The following FKBP8 variants were observed in gnomAD, a reference collection of about 807,000 sequenced individuals.
The protein encoded by FKBP8 is FKBP prolyl isomerase 8.
FKBP8 carries 5 observed loss-of-function variants against 41.7 expected under a neutral mutation model. The observed-to-expected ratio is 0.12, with a 90% CI of 0.06 to 0.25. The LOEUF (loss-of-function observed/expected upper bound fraction) is 0.25. Among genes scored for constraint, FKBP8 ranks in the 10% least tolerant of loss-of-function variants. FKBP8 has a pLI of 1.00. For missense variants in FKBP8, 397 were observed against 563.0 expected, an observed-to-expected ratio of 0.71 and a Z score of 2.98; for synonymous variants, 279 against 254.5, an observed-to-expected ratio of 1.10 and a Z score of -0.92.
chr19:18,532,731 G>A lies in FKBP8; in HGVS notation c.1088C>T (p.Ala363Val). 6.2e-7 allele frequency: 1 copy of A among 1,614,144 alleles called. No homozygotes were observed. Among genetic ancestry groups the A allele is most frequent in the Non-Finnish European group, 8.5e-7 (1 of 1,180,040 alleles). Residue 363 changes from alanine to valine, a missense_variant, in exon 8 of 9, where the codon GCC (alanine) becomes GTC (valine). Physicochemically the swap from Ala to Val is moderately conservative, Grantham distance 64 (BLOSUM62 0). Transcript: ENST00000608443. ...KHAAQRSTET[A>V]LYRKMLGNPS... Reference sequence around the variant, plus strand: ...GTTGCCCAGCATTTTCCGGTACAAGGCGGTCTCCGTGCTCCGCTGCGCCGC... The same window carrying A: ...GTTGCCCAGCATTTTCCGGTACAAGACGGTCTCCGTGCTCCGCTGCGCCGC...
rs200681860 is a variant in FKBP8, at chr19:18,532,184, G to A, written c.1227C>T (p.Ile409=). ...ALGGVALSVV[I]AARN ...ACCTAGGTGGTCAGTTCCTGGCAGC[G>A]ATGACCACAGAGAGTGCCACACCCC... The change falls in exon 9 of 9, where the codon ATC becomes ATT. Residue 409 remains isoleucine (I), a synonymous_variant. Coordinates refer to ENST00000608443, the MANE Select transcript of FKBP8 (RefSeq NM_012181.5). 2.4e-5 allele frequency: 38 copies of A among 1,606,324 alleles called. No homozygotes were observed. Among genetic ancestry groups the A allele is most frequent in the African/African-American group, 1.7e-4 (13 of 74,910 alleles).
At chr19:18,533,536 T>A (rs889703162) in intron 6 of FKBP8, among the ~76,000 whole-genome samples, 189 bp from the exon 7 acceptor site, 3 of 152,046 alleles carry the variant, frequency 2.0e-5, no homozygotes, top group African/African-American at 7.2e-5. Flanking sequence ...AAACCCCGTC[T>A]CTACCAAAAA....
intron 1 of FKBP8, chr19:18,543,132 C>T: frequency 3.6e-6 from 1 of 277,054 alleles, no homozygotes; most frequent in South Asian, 2.7e-5. Flanking sequence ...CCCACAGCCC[C>T]GGCCGGGCCC....
intron 2 of FKBP8, among the ~76,000 whole-genome samples, chr19:18,539,989 TTTTG>T (rs1229695013): frequency 2.6e-5 from 4 of 152,058 alleles, no homozygotes; most frequent in South Asian, 2.1e-4. Flanking sequence ...GGTCTGGTTT[TTTTG>T]TTTTTTTGTT....
At chr19:18,541,381 T>C (rs61758313) in intron 2 of FKBP8, among the ~76,000 whole-genome samples, 9,032 of 152,190 alleles carry the variant, frequency 0.059, 871 homozygotes, top group African/African-American at 0.2. Context: ...AAAAGATGCA[T>C]TGATGGGGTT....
chr19:18,533,553 A>C (rs1976497309), intron 6 of FKBP8, among the ~76,000 whole-genome samples: 1 of 152,122 alleles, frequency 6.6e-6, no homozygotes, highest in Admixed American at 6.5e-5. Context: ...AAAAATACAA[A>C]AATTAGCCAG....
intron 2 of FKBP8, among the ~76,000 whole-genome samples, chr19:18,541,309 A>G (rs1350433217): frequency 6.6e-6 from 1 of 152,216 alleles, no homozygotes; most frequent in Non-Finnish European, 1.5e-5. Context: ...TGTGTTGCCC[A>G]GGCTGGCGTG....
intron 7 of FKBP8, 33 bp downstream of exon 7, chr19:18,533,237 G>T (rs542930454): frequency 1.3e-6 from 2 of 1,528,798 alleles, no homozygotes; most frequent in Middle Eastern, 1.7e-4. Flanking sequence ...CTTCCCAGCC[G>T]AGCAAGTCCC....
At chr19:18,539,104 A>G (rs1427168416) in intron 4 of FKBP8, among the ~76,000 whole-genome samples, 2 of 151,850 alleles carry the variant, frequency 1.3e-5, no homozygotes, top group African/African-American at 4.8e-5. Flanking sequence ...GTAAGCCACC[A>G]CGCCCGGCCC....
Position 18,533,339 on chromosome 19 carries a change from G to C in FKBP8, c.954C>G (p.Ala318=). Residue 318 remains alanine (A), a synonymous_variant, in exon 7 of 9, where the codon GCC becomes GCG. Transcript: ENST00000608443. ...KALFRKGKVL[A]QQGEYSEAIP... ...TGGCCTCACTGTACTCCCCCTGCTG[G>C]GCCAGCACCTGTAAGGGGAAGGGGG... 6.2e-7 allele frequency: 1 copy of C among 1,603,902 alleles called. No individual in the cohort carries two copies. The highest frequency in any genetic ancestry group is 8.5e-7 in the Non-Finnish European group (1 of 1,175,076).
chr19:18,542,032 A>G (rs1976714745), intron 1 of FKBP8, 37 bp from the exon 2 acceptor site: 1 of 1,576,722 alleles, frequency 6.3e-7, no homozygotes, highest in Non-Finnish European at 8.6e-7. Context: ...TCAGAATCCT[A>G]CACAGCCCCT....
In FKBP8 at chr19:18,537,786, A is replaced by AGTG; in HGVS notation, c.773-16_773-14dup. ...AACGTCATGTCCACTATTGGGAGAC[A>AGTG]GTGCCCGCCACGGCAGCCGTCACCA... On this transcript the variant is annotated splice_polypyrimidine_tract_variant and intron_variant, in intron 5 of 8. Coordinates refer to ENST00000608443, the MANE Select transcript of FKBP8 (RefSeq NM_012181.5). The surrounding 1 kb of genome is among the most constrained non-coding windows in gnomAD (Gnocchi z 4.4). The AGTG allele has an allele frequency of 6.3e-7, 1 of 1,594,114 alleles. No individual in the cohort carries two copies. The highest frequency in any genetic ancestry group is 1.7e-5 in the Admixed American group (1 of 59,148).
At chr19:18,541,434 C>T (rs1976696799) in intron 2 of FKBP8, among the ~76,000 whole-genome samples, 2 of 152,328 alleles carry the variant, frequency 1.3e-5, no homozygotes, top group Admixed American at 1.3e-4. Context: ...TGGCTCTGGG[C>T]AGGTGACTCA....
Position 18,532,008 on chromosome 19 carries a change from A to G in FKBP8, c.*161T>C, listed in dbSNP as rs1057434276. On this transcript the variant is annotated 3_prime_UTR_variant, in exon 9 of 9. Transcript: ENST00000608443. The stretch of plus-strand genomic sequence containing the variant: ...CTGGGCTTTCCTCCTAGAGGGCCTC[A>G]GTCCCTCCTGCTGGCTGGGCTGCAC... 10 of 649,258 alleles carry G rather than the reference A, an allele frequency of 1.5e-5. No individual in the cohort carries two copies. In the Admixed American group the frequency reaches 2.1e-4, roughly 14 times the overall value. 40.2% of individuals were successfully genotyped at this position (649,258 alleles called of 1,614,324 possible).
rs575344810 is a variant in FKBP8 at position 18,538,155 on chromosome 19, T to G, written c.772+61A>C. The G allele has an allele frequency of 1.8e-4, 276 of 1,508,766 alleles. 1 individual carries two copies. The East Asian group carries it at 5.4e-3, about 29-fold the overall frequency. 93.5% of individuals were successfully genotyped at this position (1,508,766 alleles called of 1,614,324 possible). A position where few individuals can be genotyped will look rare whatever the true frequency, so the allele number is the denominator to read the frequency against. On this transcript the variant is annotated intron_variant, in intron 5 of 8. Coordinates refer to ENST00000608443, the MANE Select transcript of FKBP8 (RefSeq NM_012181.5). This position sits in a 1 kb window ranked among gnomAD's most constrained non-coding sequence, Gnocchi z 4.0. ...TCTGAGGCTCTCTGGGGCTGGAAGT[T>G]TCTGGCACGGAGTGGACACCTTTGC... is the stretch of plus-strand genomic sequence containing the variant.
rs1347521257 is a variant in FKBP8, at chr19:18,532,634, A to G, written c.1155+30T>C. On this transcript the variant is annotated intron_variant, in intron 8 of 8. Transcript: ENST00000608443. ...CCTCTGCTAGGCGTGCCCTGCACAC[A>G]GCCCCTGCCCATTCTGTGCCCCAGC... 6 of 1,610,880 alleles carry G rather than the reference A, an allele frequency of 3.7e-6. No homozygotes were observed. In the African/African-American group the frequency reaches 6.7e-5, roughly 18 times the overall value.
Position 18,538,690 on chromosome 19 carries a change from C to A in FKBP8, c.552-254G>T, listed in dbSNP as rs564498425. Among the ~76,000 whole-genome samples, 1 of 152,064 alleles carries A rather than the reference C, an allele frequency of 6.6e-6. No individual in the cohort carries two copies. The highest frequency in any genetic ancestry group is 1.5e-5 in the Non-Finnish European group (1 of 68,040). ...AGAGACAGGTTCTCACTCTGTTGCC[C>A]GGGCTGGAGTGCAGTGGTGCAATCT... is the stretch of plus-strand genomic sequence containing the variant. On this transcript the variant is annotated intron_variant, in intron 4 of 8. Transcript: ENST00000608443. The surrounding 1 kb of genome is among the most constrained non-coding windows in gnomAD (Gnocchi z 4.0).
At chr19:18,532,906 G>A (rs568884939) in intron 7 of FKBP8, 111 bp from the exon 8 acceptor site, 1 of 1,507,164 alleles carries the variant, frequency 6.6e-7, no homozygotes, top group Admixed American at 2.0e-5. Context: ...TGGGACACAG[G>A]GGTCCCATCT....
In FKBP8 at chr19:18,531,932, G is replaced by T. The variant is rs1316267497; in HGVS notation, c.*237C>A. ...CCTGGCGGAGACCTAGCCCAGCGGG[G>T]TAAGGAGGGTGGGGGAAAACTGGGT... On this transcript the variant is annotated 3_prime_UTR_variant, in exon 9 of 9. Coordinates refer to ENST00000608443, the MANE Select transcript of FKBP8 (RefSeq NM_012181.5). The T allele has an allele frequency of 1.8e-6, 1 of 550,220 alleles. No individual in the cohort carries two copies. Among genetic ancestry groups the T allele is most frequent in the East Asian group, 3.0e-5 (1 of 33,036 alleles). 34.1% of individuals were successfully genotyped at this position (550,220 alleles called of 1,614,324 possible). A position where few individuals can be genotyped will look rare whatever the true frequency, so the allele number is the denominator to read the frequency against.
Sources: allele counts gnomAD v4.1 joint callset (sites outside exome capture counted in the v4.1 genomes callset), GRCh38; gene constraint gnomAD v4.1.1; non-coding constraint Gnocchi (gnomAD v3.1); transcripts MANE v1.5; gene names NCBI Gene and HGNC (gene_info 2026-07-23, HGNC 2026-07-21).